The following ARHGEF28 variants were observed in gnomAD, a reference collection of about 807,000 sequenced individuals.
The protein encoded by ARHGEF28 is 190 kDa guanine nucleotide exchange factor.
ARHGEF28 carries 152 observed loss-of-function variants against 206.6 expected under a neutral mutation model. That is an observed-to-expected ratio of 0.74 (90% CI 0.64 to 0.84). The LOEUF (loss-of-function observed/expected upper bound fraction) is 0.84, where lower values mean the gene tolerates loss of function less well. ARHGEF28 is among the 40% of genes least tolerant of loss of function. ARHGEF28 has a pLI of 0.00. For synonymous variants in ARHGEF28, 763 were observed against 776.4 expected, an observed-to-expected ratio of 0.98 and a Z score of 0.29; for missense variants, 2,028 against 2,073.2, an observed-to-expected ratio of 0.98 and a Z score of 0.42.
chr5:73,924,256 G>T lies in ARHGEF28; in HGVS notation c.4948+12681G>T, dbSNP rs569737801. ...TGCACTTTATTTATACTGAACAATGGAGATGACAGGCTGGCATAGTGATTA... is the reference window on the plus strand; with the variant it reads ...TGCACTTTATTTATACTGAACAATGTAGATGACAGGCTGGCATAGTGATTA... On this transcript the variant is annotated intron_variant, in intron 35 of 35. Transcript: ENST00000513042. Among the ~76,000 whole-genome samples, 10 of 152,314 alleles carry T rather than the reference G, an allele frequency of 6.6e-5. No homozygotes were observed. In the South Asian group the frequency reaches 1.9e-3, roughly 28 times the overall value.
chr5:73,681,022 G>A (rs974183334), intron 1 of ARHGEF28, among the ~76,000 whole-genome samples: 48 of 151,156 alleles, frequency 3.2e-4, no homozygotes, highest in African/African-American at 1.0e-3. Context: ...ATTTTAGTTT[G>A]CTGCTTTATT....
intron 1 of ARHGEF28, among the ~76,000 whole-genome samples, chr5:73,674,843 TG>T (rs1232118727): frequency 2.0e-5 from 3 of 152,244 alleles, no homozygotes; most frequent in Admixed American, 6.5e-5. Flanking sequence ...AACTACTGGA[TG>T]GCAGAACACG....
At chr5:73,709,941 G>A (rs1274642540) in intron 2 of ARHGEF28, among the ~76,000 whole-genome samples, 2 of 152,154 alleles carry the variant, frequency 1.3e-5, no homozygotes, top group Non-Finnish European at 2.9e-5. Flanking sequence ...GTATTCCATG[G>A]CATAGATGTA....
chr5:73,778,927 T>A (rs1227271830), intron 6 of ARHGEF28, among the ~76,000 whole-genome samples: 1 of 152,236 alleles, frequency 6.6e-6, no homozygotes. Context: ...GTGACTGATC[T>A]GTACTCACTG....
chr5:73,867,338 A>G (rs1561469082), intron 18 of ARHGEF28, among the ~76,000 whole-genome samples: 2 of 152,344 alleles, frequency 1.3e-5, no homozygotes, highest in East Asian at 3.9e-4. Context: ...AGAAAAACAC[A>G]GAAGCCCTAT....
intron 2 of ARHGEF28, among the ~76,000 whole-genome samples, chr5:73,727,320 G>A (rs563261789): frequency 6.6e-6 from 1 of 152,298 alleles, no homozygotes; most frequent in African/African-American, 2.4e-5. Context: ...TTAGACCTGA[G>A]GGGGTGAGTG....
intron 1 of ARHGEF28, among the ~76,000 whole-genome samples, chr5:73,652,661 CG>C (rs1744908097): frequency 6.6e-6 from 1 of 152,098 alleles, no homozygotes; most frequent in East Asian, 1.9e-4. Flanking sequence ...AATATTGCTC[CG>C]AAAAGGTCAT....
chr5:73,916,066 T>C (rs1763195246), intron 35 of ARHGEF28, among the ~76,000 whole-genome samples: 1 of 151,982 alleles, frequency 6.6e-6, no homozygotes, highest in Non-Finnish European at 1.5e-5. Flanking sequence ...TCTTGATAAT[T>C]TTTTTTTAAA....
At chr5:73,747,695 A>G (rs938189501) in intron 2 of ARHGEF28, among the ~76,000 whole-genome samples, 1 of 151,774 alleles carries the variant, frequency 6.6e-6, no homozygotes, top group South Asian at 2.1e-4. Context: ...GACTTTTTTT[A>G]TTGCTGAATA....
chr5:73,802,381 G>A (rs1755192322), intron 9 of ARHGEF28, among the ~76,000 whole-genome samples: 1 of 152,098 alleles, frequency 6.6e-6, no homozygotes, highest in Non-Finnish European at 1.5e-5. Flanking sequence ...CTGATGCTTG[G>A]CATTAGTACT....
chr5:73,776,201 A>G (rs1394077246), intron 5 of ARHGEF28, among the ~76,000 whole-genome samples: 1 of 152,222 alleles, frequency 6.6e-6, no homozygotes, highest in African/African-American at 2.4e-5. Context: ...GCATCTTTTC[A>G]GATTAAAAGG....
chr5:73,768,560 TC>T (rs1365287727), intron 4 of ARHGEF28, among the ~76,000 whole-genome samples: 2 of 152,136 alleles, frequency 1.3e-5, no homozygotes, highest in Admixed American at 1.3e-4. Flanking sequence ...GGCCAATTTT[TC>T]CCATTTGGAG....
At chr5:73,657,100 GA>G (rs1303177380) in intron 1 of ARHGEF28, among the ~76,000 whole-genome samples, 2 of 151,006 alleles carry the variant, frequency 1.3e-5, no homozygotes, top group African/African-American at 4.9e-5. Flanking sequence ...GAGAACCTGG[GA>G]GGCAGAGTTT....
chr5:73,705,313 G>C (rs750448309), intron 2 of ARHGEF28, among the ~76,000 whole-genome samples: 11 of 152,130 alleles, frequency 7.2e-5, no homozygotes, highest in Admixed American at 2.6e-4. Flanking sequence ...ACCTCTTTGC[G>C]TTACACTCTT....
intron 2 of ARHGEF28, among the ~76,000 whole-genome samples, chr5:73,725,037 A>T: frequency 6.6e-6 from 1 of 152,208 alleles, no homozygotes; most frequent in Admixed American, 6.5e-5. Flanking sequence ...AAACTTAAAA[A>T]ATATAGAAAA....
intron 2 of ARHGEF28, among the ~76,000 whole-genome samples, chr5:73,740,763 G>T (rs530578079): frequency 6.6e-6 from 1 of 152,234 alleles, no homozygotes; most frequent in South Asian, 2.1e-4. Context: ...TTGTATTAAA[G>T]TATTCCATGG....
At chr5:73,869,694 G>A (rs183091563) in intron 20 of ARHGEF28, among the ~76,000 whole-genome samples, 11 of 152,186 alleles carry the variant, frequency 7.2e-5, no homozygotes, top group Admixed American at 4.6e-4. Flanking sequence ...ATCACTTGAG[G>A]TCAGGAGTTC....
chr5:73,714,782 A>G (rs1224064389), intron 2 of ARHGEF28, among the ~76,000 whole-genome samples: 1 of 152,108 alleles, frequency 6.6e-6, no homozygotes, highest in African/African-American at 2.4e-5. Context: ...CATTTCTAGC[A>G]CCCCAACGGT....
chr5:73,894,103 A>G (rs1474152990), intron 28 of ARHGEF28, among the ~76,000 whole-genome samples: 2 of 152,120 alleles, frequency 1.3e-5, no homozygotes, highest in African/African-American at 4.8e-5. Context: ...AACAGCCTGA[A>G]CAAACAAAGA....
Sources: gnomAD v4.1 joint callset for allele counts (sites outside exome capture counted in the v4.1 genomes callset) on GRCh38, gnomAD v4.1.1 for gene constraint, MANE v1.5 for transcripts, NCBI Gene and HGNC (gene_info 2026-07-23, HGNC 2026-07-21) for gene names.